ROBO2: variants seen among roughly 807,000 people sequenced by gnomAD.
ROBO2 encodes the protein roundabout homolog 2.
A neutral mutation model predicts 160.8 loss-of-function variants in ROBO2; 53 were observed. That is an observed-to-expected ratio of 0.33 (90% CI 0.26 to 0.41). ROBO2 has a LOEUF of 0.41. Among genes scored for constraint, ROBO2 ranks in the 10% least tolerant of loss-of-function variants. ROBO2 has a pLI of 1.00. For missense variants in ROBO2, 1,577 were observed against 1,722.4 expected (o/e 0.92, Z 1.49); for synonymous variants, 664 against 611.7 (o/e 1.09, Z -1.26).
At chr3:77,546,147 T>G (rs1385386905) in intron 6 of ROBO2, among the ~76,000 whole-genome samples, 191 bp from the exon 8 acceptor site, 2 of 152,194 alleles carry the variant, frequency 1.3e-5, no homozygotes, top group African/African-American at 4.8e-5. Flanking sequence ...CTAAAAAGTT[T>G]GCTTCTTTCC....
intron 2 of ROBO2, among the ~76,000 whole-genome samples, chr3:76,803,669 G>A (rs949694789): frequency 1.3e-5 from 2 of 151,910 alleles, no homozygotes; most frequent in Non-Finnish European, 2.9e-5. Flanking sequence ...AATTTTTTGC[G>A]TGTTTTCAAA....
chr3:76,132,806 T>C (rs1202604043), intron 2 of ROBO2, among the ~76,000 whole-genome samples: 1 of 152,166 alleles, frequency 6.6e-6, no homozygotes, highest in African/African-American at 2.4e-5. Context: ...TTTTCTTATA[T>C]GTGAATAAGA....
rs555786960 is a variant in ROBO2 at position 76,272,363 on chromosome 3, A to G, written c.109+334761A>G. ...TGAACCACCAGAGGTTATTAAAACT[A>G]ACTTAAAAATATATTTCTGGGCTGG... On this transcript the variant is annotated intron_variant, in intron 2 of 26. Transcript: ENST00000487694. Among the ~76,000 whole-genome samples, 39 of 152,090 alleles carry G rather than the reference A, an allele frequency of 2.6e-4. No individual in the cohort carries two copies. The South Asian group carries it at 3.3e-3, about 13-fold the overall frequency.
intron 2 of ROBO2, among the ~76,000 whole-genome samples, chr3:77,336,363 GC>G (rs2066495891): frequency 6.6e-6 from 1 of 152,080 alleles, no homozygotes. Flanking sequence ...GTCAAGAGGG[GC>G]CTGTTTGTCT....
At chr3:77,554,141 C>T (rs1449276335) in intron 8 of ROBO2, among the ~76,000 whole-genome samples, 1 of 151,832 alleles carries the variant, frequency 6.6e-6, no homozygotes, top group East Asian at 1.9e-4. Flanking sequence ...AGAATTATTC[C>T]AAATCTACTC....
intron 2 of ROBO2, among the ~76,000 whole-genome samples, chr3:76,029,040 ACAGTT>A (rs1013595150): frequency 6.6e-6 from 1 of 152,038 alleles, no homozygotes; most frequent in Non-Finnish European, 1.5e-5. Context: ...ACTTGTGTAT[ACAGTT>A]CTGGAACAAG....
chr3:75,926,132 G>T (rs1475102942), intron 1 of ROBO2, among the ~76,000 whole-genome samples: 2 of 152,132 alleles, frequency 1.3e-5, no homozygotes, highest in Admixed American at 6.5e-5. Flanking sequence ...TAGAGGTTTT[G>T]CTAGGAAGGC....
intron 11 of ROBO2, chr3:77,564,343 T>C (rs2093419940): frequency 2.7e-6 from 1 of 374,730 alleles, no homozygotes; most frequent in South Asian, 2.0e-5. Context: ...TTCAGAGAGA[T>C]TTCACCGTTC....
chr3:76,587,942 T>C (rs773982173), intron 2 of ROBO2, among the ~76,000 whole-genome samples: 4 of 152,180 alleles, frequency 2.6e-5, no homozygotes, highest in Non-Finnish European at 5.9e-5. Context: ...CTAATTCATT[T>C]TTTAGCTAGC....
rs560151687 is a variant in ROBO2, at chr3:77,501,916, G to T, written c.806+8534G>T. On this transcript the variant is annotated intron_variant, in intron 5 of 25. Transcript: ENST00000461745. ...CTTTTATTGTTAAAAAGCCGGTACT[G>T]ATTCAAAATAGCTGTTTCTGACTGC... Among the ~76,000 whole-genome samples, 3 of 152,122 alleles carry T rather than the reference G, an allele frequency of 2.0e-5. No individual in the cohort carries two copies. In the East Asian group the frequency reaches 5.8e-4, roughly 29 times the overall value.
At chr3:76,829,580 C>G (rs575082271) in intron 2 of ROBO2, among the ~76,000 whole-genome samples, 1,531 of 152,186 alleles carry the variant, frequency 0.01, 23 homozygotes, top group African/African-American at 0.035. Context: ...TCTTCTCAGA[C>G]TCTTCTCCCA....
At chr3:77,159,066 C>A (rs1009743736) in intron 2 of ROBO2, among the ~76,000 whole-genome samples, 1 of 152,058 alleles carries the variant, frequency 6.6e-6, no homozygotes, top group Non-Finnish European at 1.5e-5. Flanking sequence ...AGATGGAAGG[C>A]CCACCCACAT....
At position 76,931,550 on chromosome 3, in the gene ROBO2, G is replaced by GACACACACACACAC. The variant is rs148001909; in HGVS notation, c.110-166459_110-166458insCACACACACACACA. 8.4e-3 allele frequency among the ~76,000 whole-genome samples: 1,268 copies of GACACACACACACAC among 150,710 alleles called. 18 individuals are homozygous for GACACACACACACAC. The highest frequency in any genetic ancestry group is 0.024 in the African/African-American group (991 of 40,902). On this transcript the variant is annotated intron_variant, in intron 2 of 26. Transcript: ENST00000487694. ...CACTATGACTTTGTGTGCTTTATAA[G>GACACACACACACAC]ACACATACACACACACACACACACA...
At chr3:77,608,255 C>T (rs2094563640) in intron 21 of ROBO2, among the ~76,000 whole-genome samples, 1 of 152,152 alleles carries the variant, frequency 6.6e-6, no homozygotes, top group Non-Finnish European at 1.5e-5. Context: ...ACCCACAGCT[C>T]TGTGAACTAA....
intron 2 of ROBO2, among the ~76,000 whole-genome samples, chr3:76,181,992 A>G (rs979559849): frequency 6.6e-6 from 1 of 152,190 alleles, no homozygotes; most frequent in Admixed American, 6.6e-5. Flanking sequence ...GGAAGCATTA[A>G]TAAGGAAGAA....
chr3:76,388,027 C>T (rs1277100266), intron 2 of ROBO2, among the ~76,000 whole-genome samples: 1 of 152,120 alleles, frequency 6.6e-6, no homozygotes, highest in African/African-American at 2.4e-5. Context: ...GCAGTAAAGT[C>T]AGTTAAGAGT....
At chr3:75,959,117 G>T (rs1948818253) in intron 2 of ROBO2, among the ~76,000 whole-genome samples, 1 of 151,690 alleles carries the variant, frequency 6.6e-6, no homozygotes, top group South Asian at 2.1e-4. Context: ...GTAGACAAAT[G>T]AAAAATTTTT....
intron 2 of ROBO2, among the ~76,000 whole-genome samples, chr3:76,791,840 A>G (rs1021570820): frequency 6.6e-6 from 1 of 151,864 alleles, no homozygotes; most frequent in Non-Finnish European, 1.5e-5. Context: ...ACAAAATGAT[A>G]CAGCAATTAA....
At chr3:77,485,088 C>T (rs2085187064) in intron 4 of ROBO2, among the ~76,000 whole-genome samples, 1 of 152,082 alleles carries the variant, frequency 6.6e-6, no homozygotes, top group Non-Finnish European at 1.5e-5. Flanking sequence ...CACCGTAAAC[C>T]TAATTCTGCT....
Sources: gnomAD v4.1 joint callset for allele counts (sites outside exome capture counted in the v4.1 genomes callset) on GRCh38, gnomAD v4.1.1 for gene constraint, MANE v1.5 for transcripts, NCBI Gene and HGNC (gene_info 2026-07-23, HGNC 2026-07-21) for gene names.